CADM2: variants seen among roughly 807,000 people sequenced by gnomAD.
CADM2 encodes cell adhesion molecule 2.
In CADM2, 12 loss-of-function variants were observed where a neutral mutation model predicts 49.8. The observed-to-expected ratio is 0.24, with a 90% CI of 0.15 to 0.39. The LOEUF is 0.39. CADM2 is among the 10% of genes least tolerant of loss of function. The probability of loss-of-function intolerance (pLI) is 1.00; values close to 1 mark genes in which losing one functional copy is unlikely to be tolerated. For missense variants in CADM2, 378 were observed against 492.3 expected, an observed-to-expected ratio of 0.77 and a Z score of 2.20; for synonymous variants, 214 against 175.4, an observed-to-expected ratio of 1.22 and a Z score of -1.74.
intron 5 of CADM2, among the ~76,000 whole-genome samples, chr3:85,906,685 AT>A (rs1325265329): frequency 6.6e-6 from 1 of 152,148 alleles, no homozygotes; most frequent in Non-Finnish European, 1.5e-5. Context: ...TGCCTCAAGA[AT>A]TTGTTTGAAT....
chr3:85,937,869 G>C (rs367863146), intron 7 of CADM2, among the ~76,000 whole-genome samples: 1 of 152,048 alleles, frequency 6.6e-6, no homozygotes, highest in Non-Finnish European at 1.5e-5. Flanking sequence ...GCTCCACAAC[G>C]TCTTCAAAGT....
intron 1 of CADM2, among the ~76,000 whole-genome samples, chr3:85,527,687 A>G (rs1356903918): frequency 2.0e-5 from 3 of 152,128 alleles, no homozygotes; most frequent in Non-Finnish European, 4.4e-5. Flanking sequence ...TTTTTATAAC[A>G]TAACATGAAT....
At chr3:85,292,306 A>G (rs1484267123) in intron 1 of CADM2, among the ~76,000 whole-genome samples, 1 of 150,486 alleles carries the variant, frequency 6.6e-6, no homozygotes, top group Non-Finnish European at 1.5e-5. Flanking sequence ...TGAGTGACCT[A>G]CAAAGAGACT....
At chr3:85,568,403 C>CTT (rs1491559180) in intron 1 of CADM2, among the ~76,000 whole-genome samples, 1 of 26,902 alleles carries the variant, frequency 3.7e-5, no homozygotes, top group African/African-American at 1.1e-4. Context: ...CTCCCTCTTT[C>CTT]TTTCTTTCTT....
intron 1 of CADM2, among the ~76,000 whole-genome samples, chr3:85,127,543 T>G (rs1019117421): frequency 6.6e-6 from 1 of 152,212 alleles, no homozygotes. Flanking sequence ...AGATTACTTT[T>G]TTAAAGTCGT....
At chr3:85,648,386 T>G (rs554424489) in intron 1 of CADM2, among the ~76,000 whole-genome samples, 1 of 152,034 alleles carries the variant, frequency 6.6e-6, no homozygotes. Flanking sequence ...ACGTAGCAAT[T>G]TTAATTTGTT....
intron 8 of CADM2, among the ~76,000 whole-genome samples, chr3:85,963,660 T>C (rs1217265686): frequency 1.3e-5 from 2 of 151,884 alleles, no homozygotes; most frequent in African/African-American, 4.8e-5. Context: ...ATAATATACC[T>C]AAATGAAAAG....
intron 8 of CADM2, among the ~76,000 whole-genome samples, chr3:86,046,343 C>A (rs536176588): frequency 6.6e-6 from 1 of 152,206 alleles, no homozygotes; most frequent in South Asian, 2.1e-4. Flanking sequence ...TGCCATTTTA[C>A]ACACATTAAG....
intron 3 of CADM2, among the ~76,000 whole-genome samples, chr3:85,855,815 AC>A (rs1312657648): frequency 6.6e-6 from 1 of 151,152 alleles, no homozygotes; most frequent in Non-Finnish European, 1.5e-5. Context: ...TTTAGTAGAG[AC>A]GGGGTTTCAC....
chr3:85,751,373 A>ATCC (rs1236889799), intron 2 of CADM2, among the ~76,000 whole-genome samples: 1 of 152,184 alleles, frequency 6.6e-6, no homozygotes, highest in Non-Finnish European at 1.5e-5. Context: ...TATCCTTGGT[A>ATCC]TTATTAGATG....
chr3:85,478,627 G>T (rs2107622174), intron 1 of CADM2, among the ~76,000 whole-genome samples: 1 of 152,002 alleles, frequency 6.6e-6, no homozygotes, highest in East Asian at 1.9e-4. Context: ...AATTATTGCA[G>T]AAACAAGTTT....
intron 1 of CADM2, among the ~76,000 whole-genome samples, chr3:85,370,208 C>A (rs1215521507): frequency 1.0e-5 from 1 of 98,828 alleles, no homozygotes; most frequent in African/African-American, 3.7e-5. Flanking sequence ...AACGAAACTC[C>A]TTTTCAAAAT....
chr3:85,623,918 G>GA (rs539859104), intron 1 of CADM2, among the ~76,000 whole-genome samples: 4 of 151,748 alleles, frequency 2.6e-5, no homozygotes, highest in Non-Finnish European at 4.4e-5. Flanking sequence ...ATCTCTATGA[G>GA]AAAAAAAATG....
At position 85,436,490 on chromosome 3, in the gene CADM2, GGTTTTCAAAGGGAACACTTCCA is replaced by G. The variant is rs568159171; in HGVS notation, c.62-290026_62-290005del. Among the ~76,000 whole-genome samples the G allele has an allele frequency of 1.5e-4, 23 of 152,096 alleles. No individual in the cohort carries two copies. In the South Asian group the frequency reaches 4.8e-3, roughly 32 times the overall value. On this transcript the variant is annotated intron_variant, in intron 1 of 9. Coordinates refer to ENST00000383699, the MANE Select transcript of CADM2 (RefSeq NM_001167675.2). Reference sequence around the variant, plus strand: ...AGAGAGAGCATCCTTGTCTTGTGCCGGTTTTCAAAGGGAACACTTCCAGTTTTTGCCCATTCAGCATGATATT... The same window carrying G: ...AGAGAGAGCATCCTTGTCTTGTGCCGGTTTTTGCCCATTCAGCATGATATT...
At chr3:86,015,307 T>G (rs550639832) in intron 8 of CADM2, among the ~76,000 whole-genome samples, 1 of 152,318 alleles carries the variant, frequency 6.6e-6, no homozygotes, top group South Asian at 2.1e-4. Flanking sequence ...CTACCTGTTC[T>G]TCCAGAAGAG....
At chr3:85,991,801 A>T (rs1728801249) in intron 8 of CADM2, among the ~76,000 whole-genome samples, 1 of 152,076 alleles carries the variant, frequency 6.6e-6, no homozygotes, top group Admixed American at 6.6e-5. Context: ...ATTAATTGAT[A>T]CCATTTTCGT....
Position 85,600,515 on chromosome 3 carries a change from G to A in CADM2, c.62-126007G>A, listed in dbSNP as rs891861682. Among the ~76,000 whole-genome samples, 5 of 151,888 alleles carry A rather than the reference G, an allele frequency of 3.3e-5. No homozygotes were observed. The East Asian group carries it at 9.7e-4, about 29-fold the overall frequency. On this transcript the variant is annotated intron_variant, in intron 1 of 9. Transcript: ENST00000383699. Reference sequence around the variant, plus strand: ...TCTGATTCCAGAGACTTGATAGCAAGAATGTTTATGTCTTTTAAGTTTGAG... The same window carrying A: ...TCTGATTCCAGAGACTTGATAGCAAAAATGTTTATGTCTTTTAAGTTTGAG...
At chr3:85,482,073 G>T (rs2039236188) in intron 1 of CADM2, among the ~76,000 whole-genome samples, 1 of 151,468 alleles carries the variant, frequency 6.6e-6, no homozygotes, top group East Asian at 1.9e-4. Context: ...TACATATTAA[G>T]AAAAAAATAC....
intron 1 of CADM2, among the ~76,000 whole-genome samples, chr3:85,709,255 A>G (rs1029418509): frequency 3.3e-5 from 5 of 152,130 alleles, no homozygotes; most frequent in African/African-American, 1.2e-4. Flanking sequence ...ATTTCTAAAC[A>G]TGGGTTTTAG....
Sources: gnomAD v4.1 joint callset for allele counts (sites outside exome capture counted in the v4.1 genomes callset) on GRCh38, gnomAD v4.1.1 for gene constraint, MANE v1.5 for transcripts, NCBI Gene and HGNC (gene_info 2026-07-23, HGNC 2026-07-21) for gene names.